Variants in SLX9 observed in about 807,000 individuals in gnomAD.
The protein encoded by SLX9 is ribosome biogenesis protein SLX9 homolog.
A neutral mutation model predicts 20.8 loss-of-function variants in SLX9; 19 were observed. The ratio of observed to expected loss-of-function variants is 0.91; its 90% CI spans 0.64 to 1.34. The LOEUF (loss-of-function observed/expected upper bound fraction) is 1.34. Ranked by LOEUF, SLX9 falls within the 40% of genes most tolerant of loss-of-function variation. The pLI is 0.00. For synonymous variants in SLX9, 113 were observed against 137.1 expected (o/e 0.82, Z 1.23); for missense variants, 299 against 322.2 (o/e 0.93, Z 0.55).
At chr21:44,974,159 T>C (rs972366359) in intron 5 of SLX9, among the ~76,000 whole-genome samples, 15 of 152,210 alleles carry the variant, frequency 9.9e-5, no homozygotes, top group African/African-American at 3.1e-4. Context: ...TTTACGCCCT[T>C]GTAAGATGGT....
intron 4 of SLX9, among the ~76,000 whole-genome samples, chr21:44,971,738 G>A (rs59267673): frequency 2.6e-5 from 4 of 152,116 alleles, no homozygotes; most frequent in African/African-American, 9.7e-5. Flanking sequence ...GATGGGGACC[G>A]GGGACAGCTC....
At chr21:44,970,156 G>A (rs1462426786) in intron 4 of SLX9, among the ~76,000 whole-genome samples, 2 of 152,154 alleles carry the variant, frequency 1.3e-5, no homozygotes, top group Non-Finnish European at 2.9e-5. Flanking sequence ...CTGGCCTCGG[G>A]GTGGGGGTTG....
At chr21:44,940,219 G>A (rs1030092549) in intron 1 of SLX9, 33 bp downstream of exon 1, 3 of 1,217,280 alleles carry the variant, frequency 2.5e-6, no homozygotes, top group African/African-American at 1.6e-5. Flanking sequence ...GGGGGCTGCC[G>A]CGTGGGTCCG....
In SLX9 at chr21:44,940,089, T is replaced by G. The variant is rs1303723142; in HGVS notation, c.32T>G (p.Val11Gly). Residue 11 changes from valine (V) to glycine (G), a missense_variant, in exon 1 of 6, where the codon GTG (valine) becomes GGG (glycine). Transcript: ENST00000291634. ...AAAGTGAGGGGGTTGCGCGCCCGAG[T>G]GCACCAGGCTGCCGTGAGGCCGAAA... MGKVRGLRAR[V>G]HQAAVRPKGE... The G allele has an allele frequency of 2.8e-6, 4 of 1,452,022 alleles. No individual in the cohort carries two copies. Among genetic ancestry groups the G allele is most frequent in the African/African-American group, 1.5e-5 (1 of 67,770 alleles). 89.9% of individuals were successfully genotyped at this position (1,452,022 alleles called of 1,614,324 possible). A position where few individuals can be genotyped will look rare whatever the true frequency, so the allele number is the denominator to read the frequency against.
intron 2 of SLX9, among the ~76,000 whole-genome samples, chr21:44,946,537 T>C (rs1371359701): frequency 6.6e-6 from 1 of 152,226 alleles, no homozygotes; most frequent in Non-Finnish European, 1.5e-5. Flanking sequence ...GGTGGCTTTG[T>C]GCACTGCCCA....
intron 2 of SLX9, among the ~76,000 whole-genome samples, chr21:44,946,046 T>C (rs1286068415): frequency 2.6e-5 from 4 of 152,236 alleles, no homozygotes; most frequent in Non-Finnish European, 5.9e-5. Context: ...GTCTTTGTTT[T>C]TCGTAAGCTC....
chr21:44,948,507 T>G (rs1257218578), intron 2 of SLX9, among the ~76,000 whole-genome samples: 1 of 152,200 alleles, frequency 6.6e-6, no homozygotes. Context: ...AGCCCACCTG[T>G]TTTCAGACAG....
intron 4 of SLX9, 193 bp from the exon 5 acceptor site, chr21:44,973,004 A>ACAGGACGGTCG: frequency 2.9e-6 from 2 of 687,840 alleles, no homozygotes; most frequent in Non-Finnish European, 2.5e-6. Context: ...CAGGACGGTC[A>ACAGGACGGTCG]GGCAGTTGCA....
At chr21:44,956,669 T>C (rs902024464) in intron 2 of SLX9, among the ~76,000 whole-genome samples, 1 of 152,202 alleles carries the variant, frequency 6.6e-6, no homozygotes, top group African/African-American at 2.4e-5. Flanking sequence ...TCAAGGCTTG[T>C]TGATGGCGTG....
At chr21:44,955,254 CAG>C (rs59437101) in intron 2 of SLX9, among the ~76,000 whole-genome samples, 12,161 of 151,250 alleles carry the variant, frequency 0.08, 1,558 homozygotes, top group African/African-American at 0.28. Flanking sequence ...CAGAGAGAGA[CAG>C]GGGCCCTCCC....
Position 44,956,746 on chromosome 21 carries a change from G to A in SLX9, c.284-3354G>A, listed in dbSNP as rs191733531. Among the ~76,000 whole-genome samples the A allele has an allele frequency of 9.2e-5, 14 of 152,358 alleles. No homozygotes were observed. In the East Asian group the frequency reaches 2.7e-3, roughly 29 times the overall value. ...TCAGAACACGTGCCCCGTGAACCGT[G>A]TCACCCCACGGCCCAACTCTGGTGA... On this transcript the variant is annotated intron_variant, in intron 2 of 5. Coordinates refer to ENST00000291634, the MANE Select transcript of SLX9 (RefSeq NM_058190.4).
chr21:44,940,216 G>A, intron 1 of SLX9, 30 bp downstream of exon 1: 1 of 1,220,114 alleles, frequency 8.2e-7, no homozygotes. Context: ...GCCGGGGGCT[G>A]CCGCGTGGGT....
chr21:44,973,871 G>A lies in SLX9; in HGVS notation c.569+606G>A, dbSNP rs2085210722. On this transcript the variant is annotated intron_variant, in intron 5 of 5. Transcript: ENST00000291634. ...GTCAGGTCCTGTGGCCCTGGGTCAA[G>A]TCCCGCCTCCCAGGAAGGCTTCCAA... Among the ~76,000 whole-genome samples the A allele has an allele frequency of 2.6e-5, 4 of 152,338 alleles. No individual in the cohort carries two copies. In the South Asian group the frequency reaches 8.3e-4, roughly 32 times the overall value.
chr21:44,964,745 A>C (rs1221395988), intron 3 of SLX9, among the ~76,000 whole-genome samples: 2 of 152,244 alleles, frequency 1.3e-5, no homozygotes, highest in African/African-American at 2.4e-5. Flanking sequence ...AACACTCGAT[A>C]TTATGAAACA....
chr21:44,944,670 T>TG (rs113775595), intron 2 of SLX9, among the ~76,000 whole-genome samples: 193 of 152,272 alleles, frequency 1.3e-3, no homozygotes, highest in African/African-American at 4.4e-3. Context: ...GGCCTGGCTG[T>TG]GGGGGCAGAG....
intron 3 of SLX9, among the ~76,000 whole-genome samples, chr21:44,960,833 C>T (rs1370685144): frequency 6.6e-6 from 1 of 152,180 alleles, no homozygotes; most frequent in Non-Finnish European, 1.5e-5. Context: ...TGGATATTTG[C>T]CAGTGTTTTT....
At chr21:44,969,170 A>G (rs2085096113) in intron 4 of SLX9, 2 of 470,640 alleles carry the variant, frequency 4.2e-6, no homozygotes, top group African/African-American at 2.0e-5. Flanking sequence ...CCAGCTGCCC[A>G]GGCTCGAGGG....
At chr21:44,952,588 C>T (rs2838742) in intron 2 of SLX9, among the ~76,000 whole-genome samples, 21,903 of 152,228 alleles carry the variant, frequency 0.14, 1,697 homozygotes, top group Admixed American at 0.21. Context: ...GTCTTTTGGC[C>T]GAGTGGACAG....
intron 3 of SLX9, among the ~76,000 whole-genome samples, chr21:44,963,255 AT>A (rs1484680185): frequency 6.6e-6 from 1 of 151,720 alleles, no homozygotes; most frequent in Admixed American, 6.6e-5. Context: ...TGCCCGGCTA[AT>A]TTTTTTGTAT....
Sources: gnomAD v4.1 joint callset for allele counts (sites outside exome capture counted in the v4.1 genomes callset) on GRCh38, gnomAD v4.1.1 for gene constraint, MANE v1.5 for transcripts, NCBI Gene and HGNC (gene_info 2026-07-23, HGNC 2026-07-21) for gene names.